Variants in RELB observed in about 807,000 individuals in gnomAD.
The protein encoded by RELB is RELB proto-oncogene, NF-kB subunit.
A neutral mutation model predicts 55.4 loss-of-function variants in RELB; 14 were observed. That is an observed-to-expected ratio of 0.25 (90% CI 0.17 to 0.40). The LOEUF (loss-of-function observed/expected upper bound fraction) is 0.40. Among genes scored for constraint, RELB ranks in the 10% least tolerant of loss-of-function variants. The pLI is 1.00. For synonymous variants in RELB, 409 were observed against 371.3 expected (o/e 1.10, Z -1.17); for missense variants, 669 against 830.7 (o/e 0.81, Z 2.39).
At chr19:45,002,406 G>T (rs1017488141) in intron 1 of RELB, among the ~76,000 whole-genome samples, 1 of 152,154 alleles carries the variant, frequency 6.6e-6, no homozygotes. Flanking sequence ...AGGCTGGAGT[G>T]CAGTGGCACG....
rs1266020217 is a variant in RELB, at chr19:45,034,278, G to A, written c.1242G>A (p.Gly414=). Residue 414 remains glycine (G), a synonymous_variant, in exon 10 of 12, where the codon GGG becomes GGA. Transcript: ENST00000221452. ...SYGVDKKRKR[G]MPDVLGELNS... is the part of the protein sequence containing the mutation. Reference sequence around the variant, plus strand: ...GCGTGGACAAGAAGCGGAAACGGGGGATGCCCGACGTCCTTGGGGAGCTGA... The same window carrying A: ...GCGTGGACAAGAAGCGGAAACGGGGAATGCCCGACGTCCTTGGGGAGCTGA... 1.9e-6 allele frequency: 3 copies of A among 1,614,000 alleles called. No homozygotes were observed. The highest frequency in any genetic ancestry group is 2.2e-5 in the South Asian group (2 of 91,088).
intron 11 of RELB, among the ~76,000 whole-genome samples, chr19:45,036,679 A>G (rs1971689316): frequency 6.6e-6 from 1 of 151,694 alleles, no homozygotes; most frequent in African/African-American, 2.4e-5. Flanking sequence ...GCCTTAGTTT[A>G]CTTATTATTA....
intron 7 of RELB, among the ~76,000 whole-genome samples, chr19:45,026,197 G>A (rs933704130): frequency 2.0e-5 from 3 of 152,128 alleles, no homozygotes; most frequent in South Asian, 2.1e-4. Flanking sequence ...AGCCGAGATC[G>A]CGTCACTGCG....
At chr19:45,022,399 T>C (rs773244235) in intron 5 of RELB, among the ~76,000 whole-genome samples, 189 bp downstream of exon 5, 8 of 152,038 alleles carry the variant, frequency 5.3e-5, no homozygotes, top group Non-Finnish European at 1.2e-4. Context: ...CACACACATA[T>C]TCACATACAT....
At chr19:45,015,743 AAAAG>A (rs869059488) in intron 4 of RELB, among the ~76,000 whole-genome samples, 12 of 127,172 alleles carry the variant, frequency 9.4e-5, no homozygotes, top group Admixed American at 1.7e-4. Flanking sequence ...TCAAAAAAAA[AAAAG>A]AAAAAAGAAA....
intron 2 of RELB, among the ~76,000 whole-genome samples, chr19:45,009,475 G>A (rs753885883): frequency 6.6e-6 from 1 of 152,282 alleles, no homozygotes; most frequent in South Asian, 2.1e-4. Flanking sequence ...GGAAATTTGG[G>A]CATCCACTTT....
intron 3 of RELB, 124 bp downstream of exon 3, chr19:45,009,946 T>G: frequency 2.1e-6 from 2 of 968,956 alleles, no homozygotes; most frequent in Middle Eastern, 2.6e-4. Context: ...TCCAGGACTG[T>G]GGAGGGATTT....
chr19:45,009,206 G>A (rs12972222), intron 2 of RELB, among the ~76,000 whole-genome samples: 61,446 of 151,946 alleles, frequency 0.4, 12,802 homozygotes, highest in Non-Finnish European at 0.46. Flanking sequence ...TCAGCCTCCC[G>A]AGTAGCTGGG....
At chr19:45,006,737 G>A (rs1971286655) in intron 2 of RELB, among the ~76,000 whole-genome samples, 1 of 151,320 alleles carries the variant, frequency 6.6e-6, no homozygotes, top group Non-Finnish European at 1.5e-5. Flanking sequence ...GAGGTGGGTG[G>A]ATCACCTGAG....
Position 45,012,237 on chromosome 19 carries a change from G to T in RELB, c.465G>T (p.Glu155Asp). The T allele has an allele frequency of 6.8e-7, 1 of 1,463,812 alleles. No individual in the cohort carries two copies. 90.7% of individuals were successfully genotyped at this position (1,463,812 alleles called of 1,614,324 possible). A position where few individuals can be genotyped will look rare whatever the true frequency, so the allele number is the denominator to read the frequency against. Residue 155 changes from glutamate to aspartate, a missense_variant, in exon 4 of 12, where the codon GAG (glutamate) becomes GAT (aspartate). Physicochemically the swap from Glu to Asp is conservative, Grantham distance 45. This residue lies in a region of RELB where 323 missense variants were observed against 368.5 expected (regional missense o/e 0.88). Transcript: ENST00000221452. The stretch of plus-strand genomic sequence containing the variant: ...GCTCGGCCGGCAGCATCCTTGGGGA[G>T]AGCAGCACCGAGGCCAGCAAGACGC... ...EGRSAGSILG[E>D]SSTEASKTLP...
chr19:45,034,365 C>G (rs1193457614), intron 10 of RELB, 53 bp downstream of exon 10: 1 of 1,602,302 alleles, frequency 6.2e-7, no homozygotes, highest in Non-Finnish European at 8.6e-7. Flanking sequence ...GGGGAGGGGA[C>G]AGCTGACCCC....
Position 45,002,995 on chromosome 19 carries a change from A to G in RELB, c.153A>G (p.Thr51=). The change falls in exon 2 of 12, where the codon ACA becomes ACG. Residue 51 remains threonine (T), a splice_region_variant and synonymous_variant. Transcript: ENST00000221452. ...SSLSLAVSRS[T]DELEIIDEYI... is the part of the protein sequence containing the mutation. Reference sequence around the variant, plus strand: ...TCTCGCTCGCCGTTTCCAGGAGCACAGGTGAGCAGCCCTCCACAGTTCCTG... The same window carrying G: ...TCTCGCTCGCCGTTTCCAGGAGCACGGGTGAGCAGCCCTCCACAGTTCCTG... 1 of 1,612,742 alleles carries G rather than the reference A, an allele frequency of 6.2e-7. No individual in the cohort carries two copies. The highest frequency in any genetic ancestry group is 8.5e-7 in the Non-Finnish European group (1 of 1,179,494).
chr19:45,002,337 G>GT (rs969595831), intron 1 of RELB, among the ~76,000 whole-genome samples: 34 of 151,662 alleles, frequency 2.2e-4, no homozygotes, highest in African/African-American at 7.0e-4. Context: ...ACAGGAGGAT[G>GT]TTTTTTTTTG....
chr19:45,009,596 G>A (rs984991289), intron 2 of RELB, among the ~76,000 whole-genome samples: 4 of 152,118 alleles, frequency 2.6e-5, no homozygotes, highest in African/African-American at 9.7e-5. Flanking sequence ...CCTGATGCTG[G>A]GACCCCAACA....
At chr19:45,001,967 A>G (rs1971217101) in intron 1 of RELB, among the ~76,000 whole-genome samples, 1 of 140,438 alleles carries the variant, frequency 7.1e-6, no homozygotes, top group African/African-American at 2.7e-5. Flanking sequence ...GAGAAGGCGG[A>G]GCGAAAGCTG....
Position 45,008,400 on chromosome 19 carries a change from C to T in RELB, c.155-1414C>T, listed in dbSNP as rs543681023. The stretch of plus-strand genomic sequence containing the variant: ...ACAGCCGCCCAGGACTCAGTCTCCC[C>T]CTACAGCCCGGGAGCCTCTGGAGGG... On this transcript the variant is annotated intron_variant, in intron 2 of 11. Transcript: ENST00000221452. 388 of 456,072 alleles carry T rather than the reference C, an allele frequency of 8.5e-4. 2 individuals are homozygous for T. The highest frequency in any genetic ancestry group is 7.0e-3 in the African/African-American group (351 of 50,160). 28.3% of individuals were successfully genotyped at this position (456,072 alleles called of 1,614,324 possible).
intron 5 of RELB, among the ~76,000 whole-genome samples, chr19:45,023,560 C>T (rs934808843): frequency 5.3e-5 from 8 of 151,506 alleles, no homozygotes; most frequent in South Asian, 2.1e-4. Flanking sequence ...GCCTCAGCCT[C>T]GCAAGTAGCT....
chr19:45,034,231 A>G lies in RELB; in HGVS notation c.1208-13A>G, dbSNP rs547425058. Reference sequence around the variant, plus strand: ...GAATTACTTCTTGTGTGTCCCTGGTATCTCCTTAACAGACAGCTACGGCGT... The same window carrying G: ...GAATTACTTCTTGTGTGTCCCTGGTGTCTCCTTAACAGACAGCTACGGCGT... On this transcript the variant is annotated splice_polypyrimidine_tract_variant and intron_variant, in intron 9 of 11. Transcript: ENST00000221452. 9.3e-5 allele frequency: 150 copies of G among 1,606,976 alleles called. No homozygotes were observed. In the South Asian group the frequency reaches 1.3e-3, roughly 14 times the overall value.
chr19:45,021,303 C>A (rs1470395018), intron 4 of RELB, among the ~76,000 whole-genome samples: 1 of 151,732 alleles, frequency 6.6e-6, no homozygotes, highest in Non-Finnish European at 1.5e-5. Context: ...GAAACCCCAT[C>A]TCTACTAAAG....
Sources: gnomAD v4.1 joint callset for allele counts (sites outside exome capture counted in the v4.1 genomes callset) on GRCh38, gnomAD v4.1.1 for gene constraint, gnomAD v4.1.1 regional missense constraint, MANE v1.5 for transcripts, NCBI Gene and HGNC (gene_info 2026-07-23, HGNC 2026-07-21) for gene names.